The following NPSR1 variants were observed in gnomAD, a reference collection of about 807,000 sequenced individuals.
NPSR1 encodes the protein neuropeptide S receptor.
Under a neutral mutation model 46.9 loss-of-function variants are expected in NPSR1, and 48 were observed. That is an observed-to-expected ratio of 1.02 (90% confidence interval 0.81 to 1.30). NPSR1 has a LOEUF of 1.30. NPSR1 is among the 50% of genes most tolerant of loss of function. The pLI is 0.00. For missense variants in NPSR1, 450 were observed against 449.5 expected (o/e 1.00, Z -0.01); for synonymous variants, 176 against 168.1 (o/e 1.05, Z -0.36).
chr7:34,798,025 A>G (rs1008847632), intron 3 of NPSR1, among the ~76,000 whole-genome samples: 1 of 152,200 alleles, frequency 6.6e-6, no homozygotes, highest in Non-Finnish European at 1.5e-5. Flanking sequence ...AAAAATGCTA[A>G]AAGAAGTTCT....
intron 2 of NPSR1, among the ~76,000 whole-genome samples, chr7:34,764,223 C>T (rs1023686307): frequency 1.3e-5 from 2 of 152,122 alleles, no homozygotes; most frequent in Non-Finnish European, 2.9e-5. Context: ...TTTCTTTAAC[C>T]AATGTTTTAA....
chr7:34,749,959 T>G (rs1024905659), intron 2 of NPSR1, among the ~76,000 whole-genome samples: 1 of 152,168 alleles, frequency 6.6e-6, no homozygotes, highest in African/African-American at 2.4e-5. Flanking sequence ...AATAATGAGA[T>G]GCAGATGAAC....
chr7:34,739,763 G>T (rs1784850870), intron 2 of NPSR1, among the ~76,000 whole-genome samples: 2 of 152,198 alleles, frequency 1.3e-5, no homozygotes, highest in South Asian at 2.1e-4. Context: ...TGAACCATCT[G>T]TGGGTCTCTC....
intron 3 of NPSR1, among the ~76,000 whole-genome samples, chr7:34,781,236 G>A (rs754910011): frequency 6.6e-6 from 1 of 152,120 alleles, no homozygotes; most frequent in African/African-American, 2.4e-5. Flanking sequence ...TGCAATGAAT[G>A]GGGGAATTAA....
chr7:34,835,487 A>T (rs976097504), intron 6 of NPSR1, among the ~76,000 whole-genome samples: 2 of 152,138 alleles, frequency 1.3e-5, no homozygotes, highest in African/African-American at 4.8e-5. Flanking sequence ...GATAGACTGG[A>T]TTCTCCCTAA....
chr7:34,736,655 C>T (rs1784681111), intron 2 of NPSR1, among the ~76,000 whole-genome samples: 2 of 152,134 alleles, frequency 1.3e-5, no homozygotes, highest in Admixed American at 1.3e-4. Context: ...GGCTGGAATG[C>T]AGTGGTGCCA....
chr7:34,789,423 T>C (rs1787616111), intron 3 of NPSR1, among the ~76,000 whole-genome samples: 1 of 151,724 alleles, frequency 6.6e-6, no homozygotes, highest in Admixed American at 6.6e-5. Context: ...AAAACTCAAA[T>C]AAAATTAGAA....
chr7:34,769,087 C>T (rs1269308692), intron 2 of NPSR1, among the ~76,000 whole-genome samples: 2 of 152,130 alleles, frequency 1.3e-5, no homozygotes, highest in African/African-American at 2.4e-5. Context: ...TTGAAATCTA[C>T]CACTGGTTTC....
rs1332741021 is a variant in NPSR1 at position 34,790,976 on chromosome 7, A to G, written c.384+12411A>G. On this transcript the variant is annotated intron_variant, in intron 3 of 8. Coordinates refer to ENST00000360581, the MANE Select transcript of NPSR1 (RefSeq NM_207172.2). ...TGTTATATGTTATATTATATATGTT[A>G]TATGTTATATTATATATGTTATATG... Among the ~76,000 whole-genome samples the G allele has an allele frequency of 2.1e-4, 25 of 117,128 alleles. 2 individuals carry two copies. Among genetic ancestry groups the G allele is most frequent in the African/African-American group, 7.3e-4 (23 of 31,640 alleles). The allele number at this position is 117,128 out of a possible 152,430, so 76.8% of individuals were successfully genotyped here. A position where few individuals can be genotyped will look rare whatever the true frequency, so the allele number is the denominator to read the frequency against.
chr7:34,670,703 G>T (rs1792005528), intron 1 of NPSR1, among the ~76,000 whole-genome samples: 1 of 151,566 alleles, frequency 6.6e-6, no homozygotes, highest in African/African-American at 2.4e-5. Context: ...TGGAAAAGTG[G>T]GCATGGGAAA....
chr7:34,809,462 T>A (rs1788875587), intron 3 of NPSR1, among the ~76,000 whole-genome samples: 1 of 100,738 alleles, frequency 9.9e-6, no homozygotes, highest in South Asian at 2.8e-4. Flanking sequence ...ACCCAGGTAT[T>A]TTTTTTTTTT....
intron 1 of NPSR1, among the ~76,000 whole-genome samples, chr7:34,669,640 C>T (rs560357521): frequency 1.6e-4 from 25 of 152,130 alleles, no homozygotes; most frequent in Admixed American, 8.5e-4. Context: ...GTCTATTTGA[C>T]CACAGAGCAT....
At chr7:34,707,593 C>T (rs1455948225) in intron 2 of NPSR1, among the ~76,000 whole-genome samples, 2 of 152,152 alleles carry the variant, frequency 1.3e-5, no homozygotes, top group Non-Finnish European at 2.9e-5. Context: ...GTTCCAGGTG[C>T]TAAGGACCCA....
At chr7:34,706,908 T>C (rs1486076669) in intron 2 of NPSR1, among the ~76,000 whole-genome samples, 1 of 152,214 alleles carries the variant, frequency 6.6e-6, no homozygotes, top group African/African-American at 2.4e-5. Context: ...GGATTATTCC[T>C]ACACTAGCTG....
At chr7:34,751,906 G>T (rs187727439) in intron 2 of NPSR1, 46 of 1,468,602 alleles carry the variant, frequency 3.1e-5, no homozygotes, top group Non-Finnish European at 4.1e-5. Context: ...ACCGTCTCCC[G>T]CAGTCACTCA....
At chr7:34,709,722 C>T (rs1783179504) in intron 2 of NPSR1, among the ~76,000 whole-genome samples, 1 of 152,010 alleles carries the variant, frequency 6.6e-6, no homozygotes, top group African/African-American at 2.4e-5. Context: ...GTTTTATTCT[C>T]CAAGAACTTA....
intron 4 of NPSR1, among the ~76,000 whole-genome samples, chr7:34,825,624 G>C (rs1554336466): frequency 6.6e-6 from 1 of 152,134 alleles, no homozygotes; most frequent in Non-Finnish European, 1.5e-5. Flanking sequence ...CAGGGAGGGT[G>C]GAAGGTCACT....
chr7:34,835,255 C>A (rs757735844), intron 6 of NPSR1, among the ~76,000 whole-genome samples: 2 of 152,206 alleles, frequency 1.3e-5, no homozygotes, highest in Admixed American at 1.3e-4. Flanking sequence ...CACATACACA[C>A]AATGTAGGCT....
chr7:34,830,043 C>G (rs73094703), intron 5 of NPSR1, among the ~76,000 whole-genome samples: 1 of 152,204 alleles, frequency 6.6e-6, no homozygotes, highest in Non-Finnish European at 1.5e-5. Context: ...GACTAACATC[C>G]TCTACCTCCT....
Sources: gnomAD v4.1 joint callset for allele counts (sites outside exome capture counted in the v4.1 genomes callset) on GRCh38, gnomAD v4.1.1 for gene constraint, MANE v1.5 for transcripts, NCBI Gene and HGNC (gene_info 2026-07-23, HGNC 2026-07-21) for gene names.